Variants in CDH20 observed in about 807,000 individuals in gnomAD.
The protein encoded by CDH20 is cadherin-20.
A neutral mutation model predicts 74.2 loss-of-function variants in CDH20; 29 were observed. The ratio of observed to expected loss-of-function variants is 0.39; its 90% CI spans 0.29 to 0.53. The LOEUF is 0.53. Ranked by LOEUF, CDH20 falls within the 20% of genes least tolerant of loss-of-function variation. CDH20 has a pLI of 0.69. For missense variants in CDH20, 988 were observed against 1,048.3 expected (o/e 0.94, Z 0.79); for synonymous variants, 469 against 405.4 (o/e 1.16, Z -1.88).
intron 1 of CDH20, among the ~76,000 whole-genome samples, chr18:61,428,321 T>A (rs1478739205): frequency 6.6e-6 from 1 of 152,182 alleles, no homozygotes. Context: ...ACCTTAATAT[T>A]ACTACCAAAG....
chr18:61,469,054 C>A (rs941036856), intron 1 of CDH20, among the ~76,000 whole-genome samples: 4 of 152,052 alleles, frequency 2.6e-5, no homozygotes, highest in African/African-American at 9.7e-5. Flanking sequence ...GCTTTATATG[C>A]AAATTGTTTA....
chr18:61,351,400 C>CT (rs1456075251), intron 1 of CDH20, among the ~76,000 whole-genome samples: 2 of 152,152 alleles, frequency 1.3e-5, no homozygotes, highest in Non-Finnish European at 1.5e-5. Flanking sequence ...GAGCAAGTTA[C>CT]TTAAATTTCC....
intron 1 of CDH20, among the ~76,000 whole-genome samples, chr18:61,476,949 GT>G (rs1910409302): frequency 6.6e-6 from 1 of 152,142 alleles, no homozygotes; most frequent in South Asian, 2.1e-4. Flanking sequence ...ACTGAACTTT[GT>G]GGGGGCACAA....
At chr18:61,443,331 T>C (rs1282249586) in intron 1 of CDH20, among the ~76,000 whole-genome samples, 1 of 152,198 alleles carries the variant, frequency 6.6e-6, no homozygotes, top group Non-Finnish European at 1.5e-5. Context: ...GTTCCATCTT[T>C]CTTTTGCTAT....
At chr18:61,396,183 G>T (rs987639266) in intron 1 of CDH20, among the ~76,000 whole-genome samples, 1 of 152,132 alleles carries the variant, frequency 6.6e-6, no homozygotes, top group African/African-American at 2.4e-5. Flanking sequence ...AGAGACTACA[G>T]AAGAGTGCTC....
chr18:61,510,671 T>TAAA (rs1911746477), intron 6 of CDH20, among the ~76,000 whole-genome samples: 15 of 152,280 alleles, frequency 9.9e-5, no homozygotes, highest in South Asian at 2.1e-4. Context: ...CAGAAATCTT[T>TAAA]CTATCCTGTA....
chr18:61,420,407 G>A lies in CDH20; in HGVS notation c.-152-69995G>A, dbSNP rs150564334. Among the ~76,000 whole-genome samples the A allele has an allele frequency of 1.2e-4, 18 of 150,288 alleles. No individual in the cohort carries two copies. The East Asian group carries it at 3.5e-3, about 29-fold the overall frequency. ...ATTTTTTGAGTGACCTCCGTGGGCC[G>A]GGCTATGGAGTAACTATACTGTGAC... On this transcript the variant is annotated intron_variant, in intron 1 of 11. Transcript: ENST00000262717.
intron 1 of CDH20, among the ~76,000 whole-genome samples, chr18:61,438,844 G>A (rs1247355928): frequency 1.3e-5 from 2 of 152,032 alleles, no homozygotes; most frequent in East Asian, 1.9e-4. Context: ...CCAAAGACAT[G>A]GAATCAACCC....
At chr18:61,531,594 A>G (rs923829232) in intron 7 of CDH20, among the ~76,000 whole-genome samples, 2 of 152,236 alleles carry the variant, frequency 1.3e-5, no homozygotes, top group African/African-American at 4.8e-5. Flanking sequence ...ACTCTGAAGC[A>G]TGTGTTTTTC....
At chr18:61,532,321 T>C (rs555739894) in intron 7 of CDH20, among the ~76,000 whole-genome samples, 1 of 152,286 alleles carries the variant, frequency 6.6e-6, no homozygotes, top group Admixed American at 6.5e-5. Context: ...GAGAGAAACA[T>C]TAATTTTCTT....
At chr18:61,513,896 A>T (rs1006935874) in intron 6 of CDH20, among the ~76,000 whole-genome samples, 2 of 151,878 alleles carry the variant, frequency 1.3e-5, no homozygotes, top group Admixed American at 6.6e-5. Flanking sequence ...CTTCCCTTTG[A>T]GGGTAACCCG....
intron 1 of CDH20, among the ~76,000 whole-genome samples, chr18:61,472,154 T>C (rs116599987): frequency 1.3e-5 from 2 of 152,004 alleles, no homozygotes; most frequent in African/African-American, 4.8e-5. Flanking sequence ...TCCCCTTCCT[T>C]GTATACCAGG....
intron 1 of CDH20, among the ~76,000 whole-genome samples, chr18:61,482,768 A>T (rs1191208491): frequency 6.6e-6 from 1 of 152,064 alleles, no homozygotes; most frequent in Admixed American, 6.6e-5. Context: ...AAGTGCTAAG[A>T]TTACAAGTGT....
At chr18:61,536,706 G>T in intron 8 of CDH20, 77 bp downstream of exon 8, 2 of 1,312,164 alleles carry the variant, frequency 1.5e-6, no homozygotes, top group Non-Finnish European at 2.2e-6. Context: ...TCTAGAACTT[G>T]TTGTAACAAA....
At chr18:61,382,538 A>G (rs1190545755) in intron 1 of CDH20, among the ~76,000 whole-genome samples, 1 of 152,234 alleles carries the variant, frequency 6.6e-6, no homozygotes, top group Non-Finnish European at 1.5e-5. Context: ...AACAGGGTTA[A>G]GTATCTAATG....
At position 61,515,296 on chromosome 18, in the gene CDH20, G is replaced by A. The variant is rs538595992; in HGVS notation, c.1017+7736G>A. Reference sequence around the variant, plus strand: ...TGTCCGTCACCCCTTTCTTTGACTCGGAAAGGGAACTCCCTGACCCCTTGT... The same window carrying A: ...TGTCCGTCACCCCTTTCTTTGACTCAGAAAGGGAACTCCCTGACCCCTTGT... On this transcript the variant is annotated intron_variant, in intron 6 of 11. Coordinates refer to ENST00000262717, the MANE Select transcript of CDH20 (RefSeq NM_031891.4). 5.0e-4 allele frequency among the ~76,000 whole-genome samples: 76 copies of A among 152,174 alleles called. 1 individual carries two copies. The East Asian group carries it at 0.011, about 22-fold the overall frequency.
At chr18:61,469,139 A>G (rs766713586) in intron 1 of CDH20, among the ~76,000 whole-genome samples, 1 of 152,196 alleles carries the variant, frequency 6.6e-6, no homozygotes, top group Admixed American at 6.6e-5. Context: ...TCAGAATTCA[A>G]TTTTCAAAAG....
chr18:61,365,241 C>T (rs1910819710), intron 1 of CDH20, among the ~76,000 whole-genome samples: 1 of 152,134 alleles, frequency 6.6e-6, no homozygotes, highest in African/African-American at 2.4e-5. Flanking sequence ...GAAAGGATTC[C>T]CTCCATGAGG....
intron 1 of CDH20, among the ~76,000 whole-genome samples, chr18:61,381,889 C>G (rs1405137007): frequency 2.0e-5 from 3 of 152,186 alleles, no homozygotes; most frequent in Non-Finnish European, 4.4e-5. Context: ...TATTCCGCAT[C>G]TCAACACATG....
Sources: gnomAD v4.1 joint callset for allele counts (sites outside exome capture counted in the v4.1 genomes callset) on GRCh38, gnomAD v4.1.1 for gene constraint, MANE v1.5 for transcripts, NCBI Gene and HGNC (gene_info 2026-07-23, HGNC 2026-07-21) for gene names.